The following DEPDC4 variants were observed in gnomAD, a reference collection of about 807,000 sequenced individuals.
The protein encoded by DEPDC4 is DEP domain containing 4.
A neutral mutation model predicts 52.0 loss-of-function variants in DEPDC4; 52 were observed. That is an observed-to-expected ratio of 1.00 (90% CI 0.80 to 1.26). The LOEUF (loss-of-function observed/expected upper bound fraction) is 1.26, where lower values mean the gene tolerates loss of function less well. Ranked by LOEUF, DEPDC4 falls within the 50% of genes most tolerant of loss-of-function variation. DEPDC4 has a pLI of 0.00. For synonymous variants in DEPDC4, 201 were observed against 196.8 expected (o/e 1.02, Z -0.18); for missense variants, 530 against 546.9 (o/e 0.97, Z 0.31).
At chr12:100,236,300 T>C (rs2096141281), downstream of DEPDC4, among the ~76,000 whole-genome samples, 1 of 152,206 alleles carries the variant, frequency 6.6e-6, no homozygotes, top group African/African-American at 2.4e-5. Flanking sequence ...CTAGTTTACA[T>C]TCCCACCAGT....
At chr12:100,255,711 G>A (rs1397003282) in intron 4 of DEPDC4, among the ~76,000 whole-genome samples, 4 of 152,016 alleles carry the variant, frequency 2.6e-5, no homozygotes, top group Non-Finnish European at 4.4e-5. Context: ...TCTAGACTAC[G>A]GTTTCTTTTA....
At chr12:100,275,906 GT>G in the DEPDC4 span, among the ~76,000 whole-genome samples, 5 of 117,622 alleles carry the variant, frequency 4.3e-5, no homozygotes, top group Admixed American at 8.8e-5. Flanking sequence ...AATTTTGTCA[GT>G]TTTTTTTCTG....
chr12:100,251,591 G>A (rs1040572819), intron 7 of DEPDC4, among the ~76,000 whole-genome samples: 9 of 151,082 alleles, frequency 6.0e-5, no homozygotes, highest in African/African-American at 1.2e-4. Flanking sequence ...TTTTTGAGGC[G>A]GAATCTTGCT....
the DEPDC4 span, among the ~76,000 whole-genome samples, chr12:100,281,230 T>C: frequency 6.6e-6 from 1 of 151,996 alleles, no homozygotes; most frequent in Non-Finnish European, 1.5e-5. Context: ...GGTTTCTCCA[T>C]GTTTCCCAGG....
intron 2 of DEPDC4, among the ~76,000 whole-genome samples, chr12:100,263,267 ACTCAGTGTTTT>A (rs912159054): frequency 2.6e-5 from 4 of 152,152 alleles, no homozygotes; most frequent in African/African-American, 9.7e-5. Flanking sequence ...AAAGTGTATA[ACTCAGTGTTTT>A]CTAGTACATT....
chr12:100,252,179 G>C lies in DEPDC4; in HGVS notation c.1371C>G (p.Phe457Leu). The C allele has an allele frequency of 8.2e-7, 1 of 1,213,498 alleles. No individual in the cohort carries two copies. Among genetic ancestry groups the C allele is most frequent in the Non-Finnish European group, 1.0e-6 (1 of 966,536 alleles). The allele number at this position is 1,213,498 out of a possible 1,614,324, so 75.2% of individuals were successfully genotyped here. A position where few individuals can be genotyped will look rare whatever the true frequency, so the allele number is the denominator to read the frequency against. Residue 457 changes from phenylalanine (F) to leucine (L), a missense_variant, in exon 7 of 10, where the codon TTC becomes TTG. Coordinates refer to ENST00000550587, the MANE Select transcript of DEPDC4 (RefSeq NM_001364818.2). ...CCAGGCAAAATGCCAGAGATACCTTGAAGAGCTCAGAGTGGTACTCCAGTG... is the reference window on the plus strand; with the variant it reads ...CCAGGCAAAATGCCAGAGATACCTTCAAGAGCTCAGAGTGGTACTCCAGTG... ...WFPLEYHSEL[F>L]KTPVTLLDLV...
chr12:100,271,239 G>A (rs1310172414), upstream of DEPDC4, among the ~76,000 whole-genome samples: 3 of 126,642 alleles, frequency 2.4e-5, no homozygotes, highest in Non-Finnish European at 4.7e-5. Flanking sequence ...CTTAAAGTTA[G>A]CCCTGCTCCT....
intron 9 of DEPDC4, 48 bp downstream of exon 9, chr12:100,242,438 G>A (rs2096163607): frequency 6.6e-6 from 1 of 151,848 alleles, no homozygotes; most frequent in African/African-American, 2.4e-5. Flanking sequence ...TCTCTACTCG[G>A]AATCTACATT....
chr12:100,267,412 C>T, upstream of DEPDC4: 1 of 202,854 alleles, frequency 4.9e-6, no homozygotes, highest in Non-Finnish European at 1.0e-5. Flanking sequence ...TGACCGGCCG[C>T]CGGCACCGAC....
chr12:100,267,180 C>G (rs1241654667), upstream of DEPDC4: 28 of 1,254,924 alleles, frequency 2.2e-5, no homozygotes, highest in South Asian at 6.9e-5. Context: ...GTCTTTTAGT[C>G]TTTTTCCCCC....
At chr12:100,232,826 G>A (rs1186697039) in intron 9 of DEPDC4, among the ~76,000 whole-genome samples, 1 of 152,148 alleles carries the variant, frequency 6.6e-6, no homozygotes, top group Non-Finnish European at 1.5e-5. Context: ...GGAGGTTGTG[G>A]TGAGCCGAGA....
At chr12:100,270,724 C>G (rs1447903529), upstream of DEPDC4, among the ~76,000 whole-genome samples, 1 of 151,558 alleles carries the variant, frequency 6.6e-6, no homozygotes, top group Non-Finnish European at 1.5e-5. Context: ...ATCCTCCTGC[C>G]TTGGCCTCCC....
intron 8 of DEPDC4, among the ~76,000 whole-genome samples, chr12:100,244,119 A>ATATATATATATATATATC (rs2096174006): frequency 8.1e-6 from 1 of 124,096 alleles, no homozygotes; most frequent in South Asian, 2.4e-4. Context: ...ATATATATAT[A>ATATATATATATATATATC]TATATATATA....
rs1306146927 is a variant in DEPDC4, at chr12:100,240,791, G to A, written c.*1101C>T. Among the ~76,000 whole-genome samples, 1 of 152,246 alleles carries A rather than the reference G, an allele frequency of 6.6e-6. No homozygotes were observed. On this transcript the variant is annotated 3_prime_UTR_variant, in exon 10 of 10. Transcript: ENST00000550587. ...CATGTGGCCGGGTGTGGTGGCTCAC[G>A]CCTGTAATCCCAGCACCTTGGGAGG... is the stretch of plus-strand genomic sequence containing the variant.
At chr12:100,243,765 T>C (rs938786061) in intron 8 of DEPDC4, among the ~76,000 whole-genome samples, 6 of 152,002 alleles carry the variant, frequency 3.9e-5, no homozygotes, top group African/African-American at 1.4e-4. Context: ...CTTCTCATCA[T>C]ACATCCAGTC....
Position 100,256,116 on chromosome 12 carries a change from C to T in DEPDC4, c.811G>A (p.Glu271Lys). Residue 271 changes from glutamate to lysine, a missense_variant, in exon 4 of 10, where the codon GAG becomes AAG. Physicochemically the swap from Glu to Lys is moderately conservative, Grantham distance 56 (BLOSUM62 1). Transcript: ENST00000550587. ...GTGTTAGTGATAACAAGATCTTCCT[C>T]TTTGTTTAGTTGAAGATTTTGTGTT... ...VKTQNLQLNK[E>K]EDLVITNTCL... The T allele has an allele frequency of 1.9e-6, 3 of 1,613,360 alleles. No homozygotes were observed. The highest frequency in any genetic ancestry group is 3.3e-5 in the Admixed American group (2 of 59,996).
chr12:100,234,731 A>G (rs1172912948), intron 9 of DEPDC4, among the ~76,000 whole-genome samples: 2 of 152,240 alleles, frequency 1.3e-5, no homozygotes, highest in Admixed American at 1.3e-4. Context: ...TGAATATTCT[A>G]TCAGGAGCAA....
downstream of DEPDC4, chr12:100,238,080 C>T (rs2096144613): frequency 1.0e-6 from 1 of 982,732 alleles, no homozygotes; most frequent in Non-Finnish European, 1.2e-6. Flanking sequence ...GGTACCCTCT[C>T]AGGTCTTCCA....
rs775856501 is a variant in DEPDC4 at position 100,256,070 on chromosome 12, A to G, written c.857T>C (p.Ile286Thr). Reference sequence around the variant, plus strand: ...TTACTCAGGTAGACATAAGCTTGGAATAAGTTCTCTGTCTAGGCAAGTGTT... The same window carrying G: ...TTACTCAGGTAGACATAAGCTTGGAGTAAGTTCTCTGTCTAGGCAAGTGTT... ...ITNTCLDREL[I>T]PSLCLPEIDN... Residue 286 changes from isoleucine (I) to threonine (T), a missense_variant, in exon 4 of 10, where the codon ATT becomes ACT. Transcript: ENST00000550587. 12 of 1,606,544 alleles carry G rather than the reference A, an allele frequency of 7.5e-6. No homozygotes were observed. Among genetic ancestry groups the G allele is most frequent in the Admixed American group, 1.7e-5 (1 of 58,506 alleles).
Sources: allele counts gnomAD v4.1 joint callset (sites outside exome capture counted in the v4.1 genomes callset), GRCh38; gene constraint gnomAD v4.1.1; transcripts MANE v1.5; gene names NCBI Gene and HGNC (gene_info 2026-07-23, HGNC 2026-07-21).